TSPAN11: variants seen among roughly 807,000 people sequenced by gnomAD.
TSPAN11 encodes tetraspanin 11.
TSPAN11 carries 29 observed loss-of-function variants against 32.9 expected under a neutral mutation model. That is an observed-to-expected ratio of 0.88 (90% CI 0.66 to 1.20). TSPAN11 has a LOEUF of 1.20. Ranked by LOEUF, TSPAN11 falls within the 50% of genes most tolerant of loss-of-function variation. TSPAN11 has a pLI of 0.00. For synonymous variants in TSPAN11, 140 were observed against 141.3 expected, an observed-to-expected ratio of 0.99 and a Z score of 0.07; for missense variants, 283 against 329.1, an observed-to-expected ratio of 0.86 and a Z score of 1.08.
the TSPAN11 span, among the ~76,000 whole-genome samples, chr12:31,011,280 G>T: frequency 1.3e-5 from 2 of 152,164 alleles, no homozygotes; most frequent in Admixed American, 1.3e-4. Context: ...TGTCATCCCA[G>T]CTACTCAGGA....
chr12:31,000,464 C>T (rs143873381), downstream of TSPAN11, among the ~76,000 whole-genome samples: 48 of 152,324 alleles, frequency 3.2e-4, no homozygotes, highest in African/African-American at 8.9e-4. Context: ...ACAAGCTGGA[C>T]GCCTCTATAC....
At chr12:30,978,842 C>A in intron 4 of TSPAN11, 1 of 565,026 alleles carries the variant, frequency 1.8e-6, no homozygotes, top group Non-Finnish European at 3.1e-6. Flanking sequence ...ATGCTGATGT[C>A]TTCCACATGG....
chr12:30,954,231 T>G (rs1210682378), intron 2 of TSPAN11, 156 bp downstream of exon 2: 1 of 642,130 alleles, frequency 1.6e-6, no homozygotes, highest in Admixed American at 2.5e-5. Flanking sequence ...AGCAAATATG[T>G]ACATTTGCTA....
rs1938941481 is a variant in TSPAN11, at chr12:30,975,189, G to T, written c.277-3372G>T. Among the ~76,000 whole-genome samples the T allele has an allele frequency of 6.6e-6, 1 of 152,220 alleles. No homozygotes were observed. The highest frequency in any genetic ancestry group is 2.4e-5 in the African/African-American group (1 of 41,466). On this transcript the variant is annotated intron_variant, in intron 3 of 7. Coordinates refer to ENST00000546076, the MANE Select transcript of TSPAN11 (RefSeq NM_001370302.1). The surrounding 1 kb of genome is among the most constrained non-coding windows in gnomAD (Gnocchi z 4.5). ...GCGCCGGACCCAGGGAGTCAGGAAA[G>T]GCTGGGTAAGGTGCAGGGTGGAGGG...
Position 30,978,708 on chromosome 12 carries a change from T to C in TSPAN11, c.351+73T>C, listed in dbSNP as rs558374506. On this transcript the variant is annotated intron_variant, in intron 4 of 7. Transcript: ENST00000546076. ...AGCAATGTGGGTAGGGAGGTTTGCATTGTGATGAGGGAAGCTGAGGAAGGC... is the reference window on the plus strand; with the variant it reads ...AGCAATGTGGGTAGGGAGGTTTGCACTGTGATGAGGGAAGCTGAGGAAGGC... 5.9e-4 allele frequency: 891 copies of C among 1,512,860 alleles called. 5 individuals are homozygous for C. Among genetic ancestry groups the C allele is most frequent in the South Asian group, 1.3e-3 (111 of 88,232 alleles). The allele number at this position is 1,512,860 out of a possible 1,614,324, so 93.7% of individuals were successfully genotyped here.
intron 7 of TSPAN11, among the ~76,000 whole-genome samples, chr12:30,991,469 T>A (rs576452254): frequency 1.3e-5 from 2 of 152,304 alleles, no homozygotes; most frequent in East Asian, 3.9e-4. Flanking sequence ...AATCAGGCCA[T>A]CTCTGGAGAA....
intron 7 of TSPAN11, among the ~76,000 whole-genome samples, chr12:30,983,529 A>G (rs192751395): frequency 8.5e-5 from 13 of 152,110 alleles, no homozygotes; most frequent in Admixed American, 2.0e-4. Flanking sequence ...GTATGCACGT[A>G]TATGTGTTTA....
In TSPAN11 at chr12:30,946,870, T is replaced by C. The variant is rs553242045; in HGVS notation, c.-11-7111T>C. On this transcript the variant is annotated intron_variant, in intron 1 of 7. Transcript: ENST00000546076. ...GGGCTGTCCGTGATTCTGTGTCCAG[T>C]GTTGATTACCACCCCCAGGTGGGAG... Among the ~76,000 whole-genome samples, 53 of 152,260 alleles carry C rather than the reference T, an allele frequency of 3.5e-4. 1 individual carries two copies. Among genetic ancestry groups the C allele is most frequent in the African/African-American group, 1.1e-3 (45 of 41,546 alleles).
intron 2 of TSPAN11, among the ~76,000 whole-genome samples, chr12:30,958,857 G>T (rs899288351): frequency 6.6e-6 from 1 of 152,090 alleles, no homozygotes; most frequent in Non-Finnish European, 1.5e-5. Flanking sequence ...GGTGCACAGT[G>T]GGTATTGGTT....
intron 7 of TSPAN11, among the ~76,000 whole-genome samples, chr12:30,987,632 C>A (rs776851065): frequency 9.9e-5 from 15 of 151,876 alleles, no homozygotes; most frequent in Non-Finnish European, 1.8e-4. Flanking sequence ...CAGGCCTGGG[C>A]TCCCCGCAGC....
chr12:30,978,245 C>T (rs1015788538), intron 3 of TSPAN11: 3 of 345,752 alleles, frequency 8.7e-6, no homozygotes, highest in African/African-American at 6.1e-5. Flanking sequence ...TGCAGTCACT[C>T]ATCTGTCTTC....
chr12:31,004,412 C>G, the TSPAN11 span, among the ~76,000 whole-genome samples: 1 of 152,176 alleles, frequency 6.6e-6, no homozygotes, highest in African/African-American at 2.4e-5. Flanking sequence ...TTGCCACCCA[C>G]CCACTGCTGA....
At chr12:30,955,266 C>T (rs539437973) in intron 2 of TSPAN11, 7 of 152,228 alleles carry the variant, frequency 4.6e-5, no homozygotes, top group Admixed American at 3.9e-4. Flanking sequence ...TTTTATCTTC[C>T]TGGGCAAGAG....
At chr12:30,936,668 C>T (rs10743742) in intron 1 of TSPAN11, among the ~76,000 whole-genome samples, 97,219 of 151,968 alleles carry the variant, frequency 0.64, 31,572 homozygotes, top group East Asian at 0.75. Context: ...GTGGATGGAG[C>T]GTCACTTACT....
chr12:30,991,982 C>CT lies in TSPAN11; in HGVS notation c.*68dup. The stretch of plus-strand genomic sequence containing the variant: ...TGTGGCCACATGCCATCTGCAAGGC[C>CT]TGCAGAGTTAGCACCAGCTCCACTA... On this transcript the variant is annotated 3_prime_UTR_variant, in exon 8 of 8. Coordinates refer to ENST00000546076, the MANE Select transcript of TSPAN11 (RefSeq NM_001370302.1). 1.3e-6 allele frequency: 2 copies of CT among 1,562,148 alleles called. No individual in the cohort carries two copies. The highest frequency in any genetic ancestry group is 1.8e-6 in the Non-Finnish European group (2 of 1,133,090).
At chr12:30,974,200 T>G (rs1938912389) in intron 3 of TSPAN11, among the ~76,000 whole-genome samples, 1 of 152,262 alleles carries the variant, frequency 6.6e-6, no homozygotes, top group Admixed American at 6.5e-5. Flanking sequence ...CTTATTTTTG[T>G]GGCTCCCACA....
At chr12:30,958,706 A>G (rs968281772) in intron 2 of TSPAN11, among the ~76,000 whole-genome samples, 1 of 152,122 alleles carries the variant, frequency 6.6e-6, no homozygotes, top group Non-Finnish European at 1.5e-5. Context: ...CTTCTCCGTC[A>G]TAGCAGAAGT....
chr12:30,942,779 C>A (rs1035081225), intron 1 of TSPAN11, among the ~76,000 whole-genome samples: 16 of 151,552 alleles, frequency 1.1e-4, no homozygotes, highest in Admixed American at 2.6e-4. Context: ...GAAAACATGT[C>A]TCTCAGGGCA....
Position 30,983,059 on chromosome 12 carries a change from T to C in TSPAN11, c.616-5T>C. 6.2e-7 allele frequency: 1 copy of C among 1,612,034 alleles called. No individual in the cohort carries two copies. The highest frequency in any genetic ancestry group is 8.5e-7 in the Non-Finnish European group (1 of 1,179,862). ...ATGGCCGCATCACCTGCCCTTCTCT[T>C]ACAGGGAGGCTGCCTCACCAAGCTG... On this transcript the variant is annotated splice_region_variant and splice_polypyrimidine_tract_variant and intron_variant, in intron 6 of 7. Transcript: ENST00000546076.
Sources: allele counts gnomAD v4.1 joint callset (sites outside exome capture counted in the v4.1 genomes callset), GRCh38; gene constraint gnomAD v4.1.1; non-coding constraint Gnocchi (gnomAD v3.1); transcripts MANE v1.5; gene names NCBI Gene and HGNC (gene_info 2026-07-23, HGNC 2026-07-21).